Variants in TMEM210 observed in about 807,000 individuals in gnomAD.
TMEM210 encodes the protein transmembrane protein 210.
A neutral mutation model predicts 10.3 loss-of-function variants in TMEM210; 7 were observed. The observed-to-expected ratio is 0.68, with a 90% CI of 0.39 to 1.28. TMEM210 has a LOEUF of 1.28. TMEM210 is among the 50% of genes most tolerant of loss of function. The pLI is 0.01. For synonymous variants in TMEM210, 79 were observed against 81.2 expected, an observed-to-expected ratio of 0.97 and a Z score of 0.14; for missense variants, 185 against 197.8, an observed-to-expected ratio of 0.94 and a Z score of 0.39.
Position 137,171,468 on chromosome 9 carries a change from G to A in TMEM210, c.225-25C>T, listed in dbSNP as rs1299809423. On this transcript the variant is annotated intron_variant, in intron 2 of 3. Coordinates refer to ENST00000413619, the MANE Select transcript of TMEM210 (RefSeq NM_001282477.2). Reference sequence around the variant, plus strand: ...ACTGAGGGGACGAAGGCCAACATGAGTCCTGGAACAGTGCTGGGCCCCCGG... The same window carrying A: ...ACTGAGGGGACGAAGGCCAACATGAATCCTGGAACAGTGCTGGGCCCCCGG... 4 of 1,535,404 alleles carry A rather than the reference G, an allele frequency of 2.6e-6. No homozygotes were observed. In the Admixed American group the frequency reaches 5.9e-5, roughly 23 times the overall value.
chr9:137,170,942 T>C lies in TMEM210; in HGVS notation c.*33A>G, dbSNP rs184827600. ...GACAGTGCACAGCCACTAAATACGC[T>C]TTAATTCCCCTCCCCCAGCTGCCCT... On this transcript the variant is annotated 3_prime_UTR_variant, in exon 4 of 4. Transcript: ENST00000413619. 1,034 of 1,522,496 alleles carry C rather than the reference T, an allele frequency of 6.8e-4. 6 individuals carry two copies. In the African/African-American group the frequency reaches 0.012, roughly 18 times the overall value. 94.3% of individuals were successfully genotyped at this position (1,522,496 alleles called of 1,614,324 possible).
chr9:137,171,125 G>T lies in TMEM210; in HGVS notation c.294C>A (p.Asp98Glu). ...GGGACTCCACGTAAACCGGGTGCAG[G>T]TCCATGAGATCTTCCTGGACCCCAA... ...ENFGVQEDLM[D>E]LHPVYVESQL... is the part of the protein sequence containing the mutation. Residue 98 changes from aspartate to glutamate, a missense_variant, in exon 4 of 4, where the codon GAC becomes GAA. Transcript: ENST00000413619. 2 of 1,535,350 alleles carry T rather than the reference G, an allele frequency of 1.3e-6. No individual in the cohort carries two copies. The highest frequency in any genetic ancestry group is 1.7e-6 in the Non-Finnish European group (2 of 1,146,518).
At chr9:137,171,349 G>A (rs1311874586) in intron 3 of TMEM210, 65 bp downstream of exon 3, 1 of 1,532,752 alleles carries the variant, frequency 6.5e-7, no homozygotes, top group Non-Finnish European at 8.7e-7. Flanking sequence ...CCCTGGGATA[G>A]CTCCCCCCGC....
At chr9:137,171,606 A>G in intron 2 of TMEM210, 35 bp downstream of exon 2, 7 of 1,525,874 alleles carry the variant, frequency 4.6e-6, no homozygotes, top group Non-Finnish European at 5.3e-6. Flanking sequence ...GCCTGGCCTC[A>G]CTCCCATCCT....
In TMEM210 at chr9:137,171,925, G is replaced by A. The variant is rs1834116389; in HGVS notation, c.88+15C>T. 1.4e-6 allele frequency: 2 copies of A among 1,433,540 alleles called. No homozygotes were observed. The highest frequency in any genetic ancestry group is 1.4e-5 in the African/African-American group (1 of 69,656). The allele number at this position is 1,433,540 out of a possible 1,614,324, so 88.8% of individuals were successfully genotyped here. A position where few individuals can be genotyped will look rare whatever the true frequency, so the allele number is the denominator to read the frequency against. ...GCCATGGCTGGGAGTGGAGTGCGGG[G>A]GCAGGAGGAGGCACCTGCAGCAGGG... On this transcript the variant is annotated intron_variant, in intron 1 of 3. Transcript: ENST00000413619.
chr9:137,171,172 A>ACGGG lies in TMEM210; in HGVS notation c.255-12_255-9dup. ...CCAAAATTCTCCACCAACCTGCATG[A>ACGGG]CGGGCCGGGTCATCACGAGCTGGTA... On this transcript the variant is annotated splice_polypyrimidine_tract_variant and intron_variant, in intron 3 of 3. Transcript: ENST00000413619. The ACGGG allele has an allele frequency of 1.3e-6, 2 of 1,533,746 alleles. No individual in the cohort carries two copies. Among genetic ancestry groups the ACGGG allele is most frequent in the Non-Finnish European group, 8.7e-7 (1 of 1,145,430 alleles).
chr9:137,171,962 G>A lies in TMEM210; in HGVS notation c.66C>T (p.Ser22=), dbSNP rs1001159501. Residue 22 remains serine, a synonymous_variant, in exon 1 of 4, where the codon TCC becomes TCT. Coordinates refer to ENST00000413619, the MANE Select transcript of TMEM210 (RefSeq NM_001282477.2). The stretch of plus-strand genomic sequence containing the variant: ...CACCTGCAGCAGGGATGAGCAGAAG[G>A]GACAAATATGTGAGGCCCAAGGGGC... ...RGGPLGLTYL[S]LLLIPAAAGT... is the part of the protein sequence containing the mutation. 1 of 1,428,192 alleles carries A rather than the reference G, an allele frequency of 7.0e-7. No individual in the cohort carries two copies. The highest frequency in any genetic ancestry group is 9.1e-7 in the Non-Finnish European group (1 of 1,094,866). 88.5% of individuals were successfully genotyped at this position (1,428,192 alleles called of 1,614,324 possible).
At chr9:137,171,222 C>A in intron 3 of TMEM210, 58 bp from the exon 4 acceptor site, 1 of 1,509,206 alleles carries the variant, frequency 6.6e-7, no homozygotes. Context: ...CCAGGACAGG[C>A]TGGCGTCTGG....
intron 2 of TMEM210, 47 bp downstream of exon 2, chr9:137,171,594 C>T (rs1272971071): frequency 6.6e-7 from 1 of 1,526,282 alleles, no homozygotes; most frequent in Non-Finnish European, 8.8e-7. Context: ...CCAGGGCAGC[C>T]AGCCTGGCCT....
chr9:137,171,739 G>T lies in TMEM210; in HGVS notation c.126C>A (p.Arg42=). 6.5e-7 allele frequency: 1 copy of T among 1,535,272 alleles called. No individual in the cohort carries two copies. ...TYCECSLGLS[R]EALIALLVVL... is the part of the protein sequence containing the mutation. ...CCACAAGGAGGGCGATGAGGGCCTCGCGGCTGAGGCCAAGGCTGCATTCAC... is the reference window on the plus strand; with the variant it reads ...CCACAAGGAGGGCGATGAGGGCCTCTCGGCTGAGGCCAAGGCTGCATTCAC... Residue 42 remains arginine, a synonymous_variant, in exon 2 of 4, where the codon CGC becomes CGA. Transcript: ENST00000413619.
Position 137,170,940 on chromosome 9 carries a change from G to A in TMEM210, c.*35C>T, listed in dbSNP as rs1313623078. The A allele has an allele frequency of 4.0e-6, 6 of 1,518,864 alleles. No individual in the cohort carries two copies. The highest frequency in any genetic ancestry group is 1.8e-6 in the Non-Finnish European group (2 of 1,137,112). The allele number at this position is 1,518,864 out of a possible 1,614,324, so 94.1% of individuals were successfully genotyped here. On this transcript the variant is annotated 3_prime_UTR_variant, in exon 4 of 4. Transcript: ENST00000413619. The stretch of plus-strand genomic sequence containing the variant: ...AGGACAGTGCACAGCCACTAAATAC[G>A]CTTTAATTCCCCTCCCCCAGCTGCC...
chr9:137,171,820 G>C (rs1427042437), intron 1 of TMEM210, 44 bp from the exon 2 acceptor site: 5 of 1,480,684 alleles, frequency 3.4e-6, no homozygotes, highest in Non-Finnish European at 2.7e-6. Flanking sequence ...TCACCTGCCT[G>C]CAGAGGGCCC....
chr9:137,171,106 C>T lies in TMEM210; in HGVS notation c.313G>A (p.Glu105Lys). 1 of 1,535,390 alleles carries T rather than the reference C, an allele frequency of 6.5e-7. No individual in the cohort carries two copies. Among genetic ancestry groups the T allele is most frequent in the Non-Finnish European group, 8.7e-7 (1 of 1,146,520 alleles). The change falls in exon 4 of 4, where the codon GAG (glutamate) becomes AAG (lysine). Residue 105 changes from glutamate to lysine, a missense_variant. Transcript: ENST00000413619. ...DLMDLHPVYV[E>K]SQLMDADLEV... ...AGGTCAGCGTCCATTAGCTGGGACT[C>T]CACGTAAACCGGGTGCAGGTCCATG...
At position 137,171,320 on chromosome 9, in the gene TMEM210, C is replaced by T. The variant is rs2131323622; in HGVS notation, c.254+94G>A. The T allele has an allele frequency of 5.9e-6, 9 of 1,516,700 alleles. No individual in the cohort carries two copies. In the South Asian group the frequency reaches 7.2e-5, roughly 12 times the overall value. The allele number at this position is 1,516,700 out of a possible 1,614,324, so 94.0% of individuals were successfully genotyped here. On this transcript the variant is annotated intron_variant, in intron 3 of 3. Coordinates refer to ENST00000413619, the MANE Select transcript of TMEM210 (RefSeq NM_001282477.2). ...CCCCTCCTCCTCCAGGGACAGCACC[C>T]CTCCTCCTCCAGGGACTCCCCTGGG...
Position 137,171,314 on chromosome 9 carries a change from A to C in TMEM210, c.254+100T>G, listed in dbSNP as rs1259662038. 9 of 1,510,234 alleles carry C rather than the reference A, an allele frequency of 6.0e-6. No individual in the cohort carries two copies. In the Admixed American group the frequency reaches 1.8e-4, roughly 30 times the overall value. The allele number at this position is 1,510,234 out of a possible 1,614,324, so 93.6% of individuals were successfully genotyped here. ...ACAGCACCCCTCCTCCTCCAGGGAC[A>C]GCACCCCTCCTCCTCCAGGGACTCC... On this transcript the variant is annotated intron_variant, in intron 3 of 3. Coordinates refer to ENST00000413619, the MANE Select transcript of TMEM210 (RefSeq NM_001282477.2).
Position 137,171,001 on chromosome 9 carries a change from G to A in TMEM210, c.418C>T (p.Pro140Ser), listed in dbSNP as rs1012897866. The A allele has an allele frequency of 9.1e-6, 14 of 1,534,616 alleles. No homozygotes were observed. In the Admixed American group the frequency reaches 2.6e-4, roughly 28 times the overall value. The change falls in exon 4 of 4, where the codon CCA becomes TCA. Residue 140 changes from proline to serine, a missense_variant. Transcript: ENST00000413619. ...TACTCAGGTGGTAGGGGCGGGGGTGGTGGCGGCTCCTCTGAAGAAGCCTCC... is the reference window on the plus strand; with the variant it reads ...TACTCAGGTGGTAGGGGCGGGGGTGATGGCGGCTCCTCTGAAGAAGCCTCC... ...PMEASSEEPP[P>S]PPPLPPE
rs1268432843 is a variant in TMEM210 at position 137,171,035 on chromosome 9, G to A, written c.384C>T (p.Ala128=). The stretch of plus-strand genomic sequence containing the variant: ...CCTCTGAAGAAGCCTCCATGGGGAT[G>A]GCCACAAGGCTCTGATCCTCTAGTG... ...VPPLEDQSLV[A]IPMEASSEEP... Residue 128 remains alanine (A), a synonymous_variant, in exon 4 of 4, where the codon GCC becomes GCT. Coordinates refer to ENST00000413619, the MANE Select transcript of TMEM210 (RefSeq NM_001282477.2). The A allele has an allele frequency of 3.0e-5, 46 of 1,535,162 alleles. No homozygotes were observed. Among genetic ancestry groups the A allele is most frequent in the Non-Finnish European group, 3.9e-5 (45 of 1,146,506 alleles).
rs118043976 is a variant in TMEM210 at position 137,171,553 on chromosome 9, G to C, written c.224+88C>G. On this transcript the variant is annotated intron_variant, in intron 2 of 3. Coordinates refer to ENST00000413619, the MANE Select transcript of TMEM210 (RefSeq NM_001282477.2). ...CTACCCCAGGTGACAGCCCACCCAG[G>C]GGGTAAAGCCCTTCTTGCAAGACCA... 1.0e-3 allele frequency: 1,589 copies of C among 1,532,846 alleles called. 35 individuals are homozygous for C. The East Asian group carries it at 0.033, about 32-fold the overall frequency. 95.0% of individuals were successfully genotyped at this position (1,532,846 alleles called of 1,614,324 possible).
Position 137,171,978 on chromosome 9 carries a change from C to T in TMEM210, c.50G>A (p.Gly17Asp). Residue 17 changes from glycine to aspartate, a missense_variant, in exon 1 of 4, where the codon GGC becomes GAC. Coordinates refer to ENST00000413619, the MANE Select transcript of TMEM210 (RefSeq NM_001282477.2). ...PVSCLRGGPL[G>D]LTYLSLLLIP... is the part of the protein sequence containing the mutation. ...GAGCAGAAGGGACAAATATGTGAGG[C>T]CCAAGGGGCCACCACGCAGGCAGGA... is the stretch of plus-strand genomic sequence containing the variant. 1 of 1,421,124 alleles carries T rather than the reference C, an allele frequency of 7.0e-7. No individual in the cohort carries two copies. Among genetic ancestry groups the T allele is most frequent in the Non-Finnish European group, 9.2e-7 (1 of 1,091,444 alleles). 88.0% of individuals were successfully genotyped at this position (1,421,124 alleles called of 1,614,324 possible).
Sources: gnomAD v4.1 joint callset for allele counts on GRCh38, gnomAD v4.1.1 for gene constraint, MANE v1.5 for transcripts, NCBI Gene and HGNC (gene_info 2026-07-23, HGNC 2026-07-21) for gene names.